The following BTRC variants were observed in gnomAD, a reference collection of about 807,000 sequenced individuals.
The protein encoded by BTRC is beta-transducin repeat containing E3 ubiquitin protein ligase.
Under a neutral mutation model 85.5 loss-of-function variants are expected in BTRC, and 42 were observed. That is an observed-to-expected ratio of 0.49 (90% CI 0.38 to 0.64). The LOEUF is 0.64. Ranked by LOEUF, BTRC falls within the 30% of genes least tolerant of loss-of-function variation. The pLI is 0.00. For missense variants in BTRC, 594 were observed against 743.5 expected (o/e 0.80, Z 2.34); for synonymous variants, 255 against 263.3 (o/e 0.97, Z 0.30).
Position 101,404,024 on chromosome 10 carries a change from A to ATTTTT in BTRC, c.49-26320_49-26319insTTTTT, listed in dbSNP as rs1343104334. 2.8e-3 allele frequency among the ~76,000 whole-genome samples: 67 copies of ATTTTT among 24,040 alleles called. 2 individuals carry two copies. Among genetic ancestry groups the ATTTTT allele is most frequent in the African/African-American group, 4.4e-3 (35 of 7,978 alleles). 15.8% of individuals were successfully genotyped at this position (24,040 alleles called of 152,430 possible). A position where few individuals can be genotyped will look rare whatever the true frequency, so the allele number is the denominator to read the frequency against. The stretch of plus-strand genomic sequence containing the variant: ...TGTGTATATATATATATATATATAT[A>ATTTTT]TATATATTTTTTTTTTTTTTTTTTT... On this transcript the variant is annotated intron_variant, in intron 1 of 14. Transcript: ENST00000370187.
Position 101,442,288 on chromosome 10 carries a change from C to CTGTGTGTGTG in BTRC, c.156+11843_156+11844insGTGTGTGTGT, listed in dbSNP as rs1240113814. Among the ~76,000 whole-genome samples the CTGTGTGTGTG allele has an allele frequency of 3.0e-4, 30 of 99,350 alleles. No individual in the cohort carries two copies. In the East Asian group the frequency reaches 4.5e-3, roughly 15 times the overall value. 65.2% of individuals were successfully genotyped at this position (99,350 alleles called of 152,430 possible). A position where few individuals can be genotyped will look rare whatever the true frequency, so the allele number is the denominator to read the frequency against. Reference sequence around the variant, plus strand: ...TCTCTCTCTCTCTCTCTCTCTGTCTCTGTGTGTATGTGTGTGTGTGTGTGT... The same window carrying CTGTGTGTGTG: ...TCTCTCTCTCTCTCTCTCTCTGTCTCTGTGTGTGTGTGTGTGTATGTGTGTGTGTGTGTGT... On this transcript the variant is annotated intron_variant, in intron 2 of 14. Transcript: ENST00000370187.
chr10:101,433,227 G>A (rs1415243186), intron 2 of BTRC, among the ~76,000 whole-genome samples: 2 of 152,110 alleles, frequency 1.3e-5, no homozygotes, highest in East Asian at 1.9e-4. Flanking sequence ...GCAACATTGT[G>A]TTGAATACTT....
chr10:101,540,241 GT>G (rs1323058418), intron 13 of BTRC, among the ~76,000 whole-genome samples: 1 of 152,092 alleles, frequency 6.6e-6, no homozygotes, highest in African/African-American at 2.4e-5. Context: ...TCTTCTCTAA[GT>G]TTTATAATTT....
At chr10:101,383,876 T>C (rs1317127030) in intron 1 of BTRC, among the ~76,000 whole-genome samples, 1 of 152,134 alleles carries the variant, frequency 6.6e-6, no homozygotes, top group Admixed American at 6.5e-5. Context: ...GTATTTTATC[T>C]ATTTATTTAT....
At chr10:101,549,517 A>G (rs1240124755) in intron 13 of BTRC, among the ~76,000 whole-genome samples, 2 of 151,492 alleles carry the variant, frequency 1.3e-5, no homozygotes, top group East Asian at 3.9e-4. Context: ...GATCAAGACC[A>G]TCCTGGCTAA....
intron 2 of BTRC, among the ~76,000 whole-genome samples, chr10:101,438,408 G>A (rs915701567): frequency 5.2e-5 from 6 of 116,320 alleles, no homozygotes; most frequent in Non-Finnish European, 6.5e-5. Flanking sequence ...CTGGGCGACA[G>A]AGCGAGACTG....
intron 1 of BTRC, among the ~76,000 whole-genome samples, chr10:101,408,186 T>C (rs985970657): frequency 2.0e-5 from 3 of 152,180 alleles, no homozygotes; most frequent in African/African-American, 7.2e-5. Flanking sequence ...TAGTGGTTAT[T>C]GTATTGGAGA....
intron 13 of BTRC, among the ~76,000 whole-genome samples, chr10:101,540,847 C>CCCCAATA (rs2062455325): frequency 6.6e-6 from 1 of 152,130 alleles, no homozygotes; most frequent in Non-Finnish European, 1.5e-5. Flanking sequence ...AGAATATTGA[C>CCCCAATA]TTCTGAACAA....
At chr10:101,396,172 C>T (rs551884085) in intron 1 of BTRC, among the ~76,000 whole-genome samples, 1 of 151,142 alleles carries the variant, frequency 6.6e-6, no homozygotes, top group East Asian at 1.9e-4. Context: ...TTTAAAAAAA[C>T]ACACTGTCTT....
intron 3 of BTRC, 139 bp downstream of exon 3, chr10:101,462,197 A>G: frequency 1.6e-6 from 1 of 618,594 alleles, no homozygotes; most frequent in Non-Finnish European, 2.8e-6. Context: ...CATAGCCATC[A>G]CTTTCAATCA....
Position 101,354,186 on chromosome 10 carries a change from C to T in BTRC, c.6C>T (p.Asp2=), listed in dbSNP as rs1941959558. 1.3e-6 allele frequency: 2 copies of T among 1,549,124 alleles called. No individual in the cohort carries two copies. The highest frequency in any genetic ancestry group is 1.7e-6 in the Non-Finnish European group (2 of 1,146,720). Residue 2 remains aspartate (D), a synonymous_variant, in exon 1 of 15, where the codon GAC becomes GAT. Transcript: ENST00000370187. M[D]PAEAVLQEKA... ...ACCCAGTGGCCTCGGCGATTATGGA[C>T]CCGGCCGAGGCGGTGCTGCAAGAGA...
At position 101,540,085 on chromosome 10, in the gene BTRC, G is replaced by A. The variant is rs1325527842; in HGVS notation, c.1656+1714G>A. ...CCACGTTCATAAAATTTGTTTCTTT[G>A]TTTTCTTAAAAGTGTCTTTCAAAAA... On this transcript the variant is annotated intron_variant, in intron 13 of 14. Transcript: ENST00000370187. 2.0e-5 allele frequency among the ~76,000 whole-genome samples: 3 copies of A among 152,030 alleles called. No homozygotes were observed. The East Asian group carries it at 5.8e-4, about 29-fold the overall frequency.
At chr10:101,472,026 G>A (rs1188748857) in intron 3 of BTRC, among the ~76,000 whole-genome samples, 3 of 152,068 alleles carry the variant, frequency 2.0e-5, no homozygotes, top group Non-Finnish European at 4.4e-5. Context: ...GGTCAGTCCT[G>A]GAGTCAACCA....
intron 1 of BTRC, among the ~76,000 whole-genome samples, chr10:101,408,699 A>G (rs1264450683): frequency 1.3e-5 from 2 of 152,072 alleles, no homozygotes; most frequent in African/African-American, 4.8e-5. Context: ...TTGGCTTACT[A>G]GGTACCTTTG....
rs1321994971 is a variant in BTRC, at chr10:101,521,844, A to T, written c.530A>T (p.Gln177Leu). ...AACTCGTATCTTAAACCTATGTTGCAGAGAGATTTCATAACTGCTCTGCCA... is the reference window on the plus strand; with the variant it reads ...AACTCGTATCTTAAACCTATGTTGCTGAGAGATTTCATAACTGCTCTGCCA... The part of the protein sequence containing the change: ...HINSYLKPML[Q>L]RDFITALPAR... Residue 177 changes from glutamine to leucine, a missense_variant, in exon 5 of 15, where the codon CAG becomes CTG. By Grantham distance (113) the Gln-to-Leu change is moderately radical. Coordinates refer to ENST00000370187, the MANE Select transcript of BTRC (RefSeq NM_033637.4). 1.2e-6 allele frequency: 2 copies of T among 1,613,232 alleles called. No homozygotes were observed. Among genetic ancestry groups the T allele is most frequent in the Non-Finnish European group, 1.7e-6 (2 of 1,179,238 alleles).
At chr10:101,429,849 ACTTTTT>A (rs1944356345) in intron 1 of BTRC, among the ~76,000 whole-genome samples, 1 of 142,392 alleles carries the variant, frequency 7.0e-6, no homozygotes. Context: ...GGGATACAAT[ACTTTTT>A]CTTTTCCTTC....
intron 1 of BTRC, among the ~76,000 whole-genome samples, chr10:101,421,451 A>T (rs1944096775): frequency 6.6e-6 from 1 of 151,636 alleles, no homozygotes; most frequent in South Asian, 2.1e-4. Flanking sequence ...AATTTATTTA[A>T]CCTCCCTGGG....
chr10:101,460,225 AT>A (rs1276136340), intron 2 of BTRC, among the ~76,000 whole-genome samples: 5 of 150,706 alleles, frequency 3.3e-5, no homozygotes, highest in Non-Finnish European at 5.9e-5. Flanking sequence ...TGATCTTTAC[AT>A]TTAAAAAAAA....
intron 4 of BTRC, among the ~76,000 whole-genome samples, chr10:101,508,825 A>C (rs1589569425): frequency 6.7e-6 from 1 of 149,426 alleles, no homozygotes; most frequent in Admixed American, 6.8e-5. Context: ...GAGGCAGGAG[A>C]ATGGCGTGAA....
Sources: allele counts gnomAD v4.1 joint callset (sites outside exome capture counted in the v4.1 genomes callset), GRCh38; gene constraint gnomAD v4.1.1; transcripts MANE v1.5; gene names NCBI Gene and HGNC (gene_info 2026-07-23, HGNC 2026-07-21).